The following XPO6 variants were observed in gnomAD, a reference collection of about 807,000 sequenced individuals.
XPO6 encodes exportin-6.
In XPO6, 3 loss-of-function variants were observed where a neutral mutation model predicts 130.0. The ratio of observed to expected loss-of-function variants is 0.02; its 90% CI spans 0.01 to 0.06. The LOEUF (loss-of-function observed/expected upper bound fraction) is 0.06, where lower values mean the gene tolerates loss of function less well. Ranked by LOEUF, XPO6 falls within the 10% of genes least tolerant of loss-of-function variation. XPO6 has a pLI of 1.00. For synonymous variants in XPO6, 524 were observed against 548.9 expected (o/e 0.95, Z 0.63); for missense variants, 970 against 1,393.0 (o/e 0.70, Z 4.83).
chr16:28,159,442 C>G (rs2043236475), intron 6 of XPO6, among the ~76,000 whole-genome samples: 1 of 152,120 alleles, frequency 6.6e-6, no homozygotes, highest in Admixed American at 6.6e-5. Flanking sequence ...TCAGACTTCT[C>G]CACAGTAACA....
chr16:28,168,661 G>C (rs1356942766), intron 5 of XPO6, among the ~76,000 whole-genome samples: 1 of 151,068 alleles, frequency 6.6e-6, no homozygotes, highest in Non-Finnish European at 1.5e-5. Flanking sequence ...GAGTGCAGTG[G>C]TACGATCATA....
At chr16:28,107,445 G>C (rs2086810598) in intron 18 of XPO6, 77 bp downstream of exon 18, 1 of 1,534,814 alleles carries the variant, frequency 6.5e-7, no homozygotes, top group Non-Finnish European at 9.0e-7. Flanking sequence ...CCGACTCAGT[G>C]TGTTCTACAG....
In XPO6 at chr16:28,211,818, A is replaced by C; in HGVS notation, c.-450T>G. 1 of 224,870 alleles carries C rather than the reference A, an allele frequency of 4.4e-6. No homozygotes were observed. Among genetic ancestry groups the C allele is most frequent in the East Asian group, 9.5e-5 (1 of 10,542 alleles). 13.9% of individuals were successfully genotyped at this position (224,870 alleles called of 1,614,324 possible). A position where few individuals can be genotyped will look rare whatever the true frequency, so the allele number is the denominator to read the frequency against. ...GGCCCAGGCGGCCGGCTCAGGGGAGAGGCCCGGGGGCCCGCGCTGTCCTCG... is the reference window on the plus strand; with the variant it reads ...GGCCCAGGCGGCCGGCTCAGGGGAGCGGCCCGGGGGCCCGCGCTGTCCTCG... On this transcript the variant is annotated 5_prime_UTR_variant, in exon 1 of 24. Coordinates refer to ENST00000304658, the MANE Select transcript of XPO6 (RefSeq NM_015171.4).
chr16:28,187,348 G>A (rs1477729469), intron 1 of XPO6, among the ~76,000 whole-genome samples: 2 of 152,120 alleles, frequency 1.3e-5, no homozygotes, highest in African/African-American at 4.8e-5. Flanking sequence ...CTTGTAATCA[G>A]TACTACAGAA....
At chr16:28,190,799 C>G (rs1299618645) in intron 1 of XPO6, among the ~76,000 whole-genome samples, 1 of 152,010 alleles carries the variant, frequency 6.6e-6, no homozygotes, top group Non-Finnish European at 1.5e-5. Context: ...ATGACAAAGG[C>G]AACTTACTCT....
At chr16:28,197,971 A>AC (rs2043894110) in intron 1 of XPO6, among the ~76,000 whole-genome samples, 2 of 113,938 alleles carry the variant, frequency 1.8e-5, no homozygotes, top group Non-Finnish European at 4.0e-5. Flanking sequence ...TATTAAAAAA[A>AC]AAAAAAAAAA....
rs1384005862 is a variant in XPO6 at position 28,125,741 on chromosome 16, T to C, written c.1714A>G (p.Ile572Val). 1.2e-6 allele frequency: 2 copies of C among 1,614,048 alleles called. No individual in the cohort carries two copies. The highest frequency in any genetic ancestry group is 1.7e-6 in the Non-Finnish European group (2 of 1,180,038). ...QAVGRLAEYFIGDVFAARFND... is the reference protein window; with the variant it reads ...QAVGRLAEYFVGDVFAARFND... ...AACCGTGCAGCAAACACATCCCCGA[T>C]AAAGTACTCGGCCAGGCGGCCCACG... The change falls in exon 13 of 24, where the codon ATC (isoleucine) becomes GTC (valine). Residue 572 changes from isoleucine (I) to valine (V), a missense_variant. By Grantham distance (29) the Ile-to-Val change is conservative. Transcript: ENST00000304658.
intron 8 of XPO6, among the ~76,000 whole-genome samples, chr16:28,149,676 T>C (rs935287012): frequency 1.3e-5 from 2 of 152,204 alleles, no homozygotes; most frequent in African/African-American, 4.8e-5. Context: ...ACTTGTGTGA[T>C]GGACTCTCCC....
intron 13 of XPO6, among the ~76,000 whole-genome samples, chr16:28,123,789 G>T (rs1315999485): frequency 1.3e-5 from 2 of 152,146 alleles, no homozygotes; most frequent in African/African-American, 4.8e-5. Context: ...CTTTTAATGT[G>T]TCTGTGTTTA....
chr16:28,173,690 C>T (rs1428602572), intron 4 of XPO6, among the ~76,000 whole-genome samples: 1 of 152,150 alleles, frequency 6.6e-6, no homozygotes, highest in Non-Finnish European at 1.5e-5. Flanking sequence ...TTCAAAGTCA[C>T]GAAAGCTACA....
intron 1 of XPO6, among the ~76,000 whole-genome samples, chr16:28,206,331 A>G (rs552358567): frequency 9.2e-5 from 14 of 152,034 alleles, no homozygotes; most frequent in Admixed American, 2.0e-4. Context: ...GCTTGAGATC[A>G]GAAGTTCAAG....
chr16:28,100,195 GCCAGGCTGGTC>G (rs1221788822), intron 23 of XPO6, among the ~76,000 whole-genome samples: 1 of 152,120 alleles, frequency 6.6e-6, no homozygotes, highest in Admixed American at 6.5e-5. Flanking sequence ...CGCCATGTTG[GCCAGGCTGGTC>G]TCAAACCCCC....
At chr16:28,140,334 A>G (rs1257378729) in intron 9 of XPO6, among the ~76,000 whole-genome samples, 1 of 152,158 alleles carries the variant, frequency 6.6e-6, no homozygotes, top group Non-Finnish European at 1.5e-5. Flanking sequence ...GGAAATCTCC[A>G]AAGAAATTAG....
intron 20 of XPO6, 99 bp downstream of exon 20, chr16:28,105,944 C>A: frequency 6.6e-7 from 1 of 1,519,270 alleles, no homozygotes; most frequent in Non-Finnish European, 8.9e-7. Flanking sequence ...ATTAAACTAA[C>A]AAATGAACTT....
Position 28,106,307 on chromosome 16 carries a change from A to G in XPO6, c.2612+76T>C. The G allele has an allele frequency of 6.2e-7, 1 of 1,607,544 alleles. No individual in the cohort carries two copies. Among genetic ancestry groups the G allele is most frequent in the South Asian group, 1.1e-5 (1 of 90,890 alleles). On this transcript the variant is annotated intron_variant, in intron 19 of 23. Coordinates refer to ENST00000304658, the MANE Select transcript of XPO6 (RefSeq NM_015171.4). This position sits in a 1 kb window ranked among gnomAD's most constrained non-coding sequence, Gnocchi z 4.2. ...CTGTGGCAAGTGCAGAACAGGAGCA[A>G]AAAGCCACACTTTGTCGCCAGACCC...
chr16:28,199,982 C>T lies in XPO6; in HGVS notation c.3+11384G>A, dbSNP rs1567651263. Among the ~76,000 whole-genome samples, 3 of 152,146 alleles carry T rather than the reference C, an allele frequency of 2.0e-5. No individual in the cohort carries two copies. In the South Asian group the frequency reaches 6.2e-4, roughly 32 times the overall value. On this transcript the variant is annotated intron_variant, in intron 1 of 23. Coordinates refer to ENST00000304658, the MANE Select transcript of XPO6 (RefSeq NM_015171.4). ...ACCAGCCTGCCCAACATGGTGAAAA[C>T]CTGTCTCTACTGAAAATACAAAAAC... is the stretch of plus-strand genomic sequence containing the variant.
intron 5 of XPO6, among the ~76,000 whole-genome samples, chr16:28,168,444 C>T (rs1171751222): frequency 6.6e-6 from 1 of 151,996 alleles, no homozygotes; most frequent in East Asian, 1.9e-4. Flanking sequence ...GTTCACATCA[C>T]CGCACTCCAG....
chr16:28,156,471 G>A lies in XPO6; in HGVS notation c.700C>T (p.Pro234Ser). 6.2e-7 allele frequency: 1 copy of A among 1,606,648 alleles called. No homozygotes were observed. Among genetic ancestry groups the A allele is most frequent in the South Asian group, 1.1e-5 (1 of 90,588 alleles). Residue 234 changes from proline (P) to serine (S), a missense_variant, in exon 7 of 24, where the codon CCA (proline) becomes TCA (serine). Coordinates refer to ENST00000304658, the MANE Select transcript of XPO6 (RefSeq NM_015171.4). ...CTCTCCACATCAAGGATGGGAATTG[G>A]CTGATTCAACAGTTTGGCTGAACTG... ...SPSSAKLLNQ[P>S]IPILDVESEY...
At chr16:28,147,687 T>C (rs2043010015) in intron 8 of XPO6, among the ~76,000 whole-genome samples, 1 of 152,242 alleles carries the variant, frequency 6.6e-6, no homozygotes, top group African/African-American at 2.4e-5. Context: ...GGCTCACATC[T>C]GTAATCCCAA....
Sources: gnomAD v4.1 joint callset for allele counts (sites outside exome capture counted in the v4.1 genomes callset) on GRCh38, gnomAD v4.1.1 for gene constraint, Gnocchi (gnomAD v3.1) non-coding constraint, MANE v1.5 for transcripts, NCBI Gene and HGNC (gene_info 2026-07-23, HGNC 2026-07-21) for gene names.